Variants in GPC5 observed in about 807,000 individuals in gnomAD.
GPC5 encodes glypican 5.
A neutral mutation model predicts 53.9 loss-of-function variants in GPC5; 47 were observed. The ratio of observed to expected loss-of-function variants is 0.87; its 90% CI spans 0.69 to 1.11. GPC5 has a LOEUF of 1.11. GPC5 is among the 50% of genes most tolerant of loss of function. The pLI is 0.00. For synonymous variants in GPC5, 286 were observed against 263.3 expected (o/e 1.09, Z -0.84); for missense variants, 748 against 713.1 (o/e 1.05, Z -0.56).
intron 7 of GPC5, among the ~76,000 whole-genome samples, chr13:92,615,904 A>G (rs1884670397): frequency 1.3e-5 from 2 of 152,150 alleles, no homozygotes; most frequent in African/African-American, 2.4e-5. Context: ...GTACAAAAAA[A>G]TTAGCCGGGC....
At chr13:92,455,830 A>C (rs968797417) in intron 7 of GPC5, among the ~76,000 whole-genome samples, 1 of 152,234 alleles carries the variant, frequency 6.6e-6, no homozygotes, top group Non-Finnish European at 1.5e-5. Flanking sequence ...ATAAATAAGC[A>C]TAACATCACT....
intron 7 of GPC5, among the ~76,000 whole-genome samples, chr13:92,289,646 A>T (rs924473089): frequency 6.6e-6 from 1 of 151,916 alleles, no homozygotes; most frequent in Non-Finnish European, 1.5e-5. Flanking sequence ...GATTATCTCA[A>T]ATAATAATCA....
At chr13:91,644,653 T>C (rs1033178580) in intron 2 of GPC5, among the ~76,000 whole-genome samples, 1 of 152,216 alleles carries the variant, frequency 6.6e-6, no homozygotes, top group Admixed American at 6.5e-5. Flanking sequence ...TACTTATATA[T>C]GTTTGATGGC....
At chr13:91,457,375 AT>A (rs1881636269) in intron 2 of GPC5, among the ~76,000 whole-genome samples, 1 of 152,290 alleles carries the variant, frequency 6.6e-6, no homozygotes, top group South Asian at 2.1e-4. Context: ...ACTATAAAAA[AT>A]ATCTAAGACG....
chr13:92,276,462 A>G (rs964392000), intron 7 of GPC5, among the ~76,000 whole-genome samples: 8 of 152,046 alleles, frequency 5.3e-5, no homozygotes, highest in South Asian at 2.1e-4. Flanking sequence ...AGGCCATTGT[A>G]TTATTATTAC....
intron 7 of GPC5, among the ~76,000 whole-genome samples, chr13:92,439,325 T>C (rs1210259569): frequency 6.6e-6 from 1 of 152,124 alleles, no homozygotes; most frequent in Non-Finnish European, 1.5e-5. Context: ...TAAAAGAGGA[T>C]TATTAAGTGG....
chr13:92,518,785 CCTT>C (rs1243923686), intron 7 of GPC5, among the ~76,000 whole-genome samples: 1 of 152,112 alleles, frequency 6.6e-6, no homozygotes, highest in Non-Finnish European at 1.5e-5. Context: ...ACAATATTAA[CCTT>C]AAATGTAAAT....
At chr13:92,467,373 A>T (rs1015370464) in intron 7 of GPC5, among the ~76,000 whole-genome samples, 1 of 152,148 alleles carries the variant, frequency 6.6e-6, no homozygotes, top group Admixed American at 6.6e-5. Context: ...ATTGGTATAC[A>T]TTAATATAAG....
chr13:92,286,102 A>G (rs2042952346), intron 7 of GPC5, among the ~76,000 whole-genome samples: 1 of 152,206 alleles, frequency 6.6e-6, no homozygotes, highest in Admixed American at 6.5e-5. Context: ...TCTCAAAAGA[A>G]GACCTTTATG....
At chr13:91,404,002 T>A (rs1285542202) in intron 1 of GPC5, among the ~76,000 whole-genome samples, 1 of 152,210 alleles carries the variant, frequency 6.6e-6, no homozygotes, top group Non-Finnish European at 1.5e-5. Context: ...CCTATAGTTG[T>A]AAAATTGGCT....
chr13:92,419,800 TTTTC>T (rs1208850005), intron 7 of GPC5, among the ~76,000 whole-genome samples: 2 of 151,998 alleles, frequency 1.3e-5, no homozygotes, highest in Non-Finnish European at 2.9e-5. Context: ...ATCCCACTCA[TTTTC>T]TTTCTTCTTC....
rs540198871 is a variant in GPC5, at chr13:91,889,043, G to A, written c.1281-18894G>A. 5.3e-5 allele frequency among the ~76,000 whole-genome samples: 8 copies of A among 152,270 alleles called. No homozygotes were observed. The East Asian group carries it at 5.8e-4, about 11-fold the overall frequency. ...TGTAATTGGCAAATTCTACTGCCTC[G>A]CCTCCCAGGGCTTTTCTTGAGTGAA... On this transcript the variant is annotated intron_variant, in intron 5 of 7. Transcript: ENST00000377067.
At chr13:92,481,164 G>T (rs1357339771) in intron 7 of GPC5, among the ~76,000 whole-genome samples, 5 of 151,722 alleles carry the variant, frequency 3.3e-5, no homozygotes, top group Non-Finnish European at 7.4e-5. Flanking sequence ...GCAGTGGTGT[G>T]ATCTCTGCTT....
chr13:91,788,159 A>G (rs1406777932), intron 5 of GPC5, among the ~76,000 whole-genome samples: 1 of 152,374 alleles, frequency 6.6e-6, no homozygotes, highest in East Asian at 1.9e-4. Flanking sequence ...GAGGCAGGGC[A>G]GTCCAAGAAC....
chr13:91,874,521 A>T (rs2039181507), intron 5 of GPC5, among the ~76,000 whole-genome samples: 2 of 152,282 alleles, frequency 1.3e-5, no homozygotes, highest in African/African-American at 4.8e-5. Flanking sequence ...TAGTGCTGTG[A>T]TGAACATCTA....
intron 2 of GPC5, among the ~76,000 whole-genome samples, chr13:91,670,534 C>A (rs1041411626): frequency 6.6e-6 from 1 of 152,150 alleles, no homozygotes; most frequent in Non-Finnish European, 1.5e-5. Context: ...AATCTTACCA[C>A]AGAAAGAAAA....
intron 7 of GPC5, among the ~76,000 whole-genome samples, chr13:92,254,157 T>C (rs2042711034): frequency 2.0e-5 from 3 of 152,066 alleles, no homozygotes; most frequent in South Asian, 2.1e-4. Context: ...CACTCTACTC[T>C]CTTCCTTCAG....
intron 7 of GPC5, among the ~76,000 whole-genome samples, chr13:92,674,732 C>T (rs1467950609): frequency 6.6e-6 from 1 of 152,038 alleles, no homozygotes; most frequent in Non-Finnish European, 1.5e-5. Context: ...ATGTCTACTG[C>T]AAAGTACACA....
intron 7 of GPC5, among the ~76,000 whole-genome samples, chr13:92,255,415 T>A (rs2042720230): frequency 6.6e-6 from 1 of 152,138 alleles, no homozygotes; most frequent in Admixed American, 6.6e-5. Flanking sequence ...ACATCTAACC[T>A]AAAAATATGG....
Sources: allele counts gnomAD v4.1 joint callset (sites outside exome capture counted in the v4.1 genomes callset), GRCh38; gene constraint gnomAD v4.1.1; transcripts MANE v1.5; gene names NCBI Gene and HGNC (gene_info 2026-07-23, HGNC 2026-07-21).